LDB2: variants seen among roughly 807,000 people sequenced by gnomAD.
The protein encoded by LDB2 is LIM domain-binding protein 2.
A neutral mutation model predicts 44.3 loss-of-function variants in LDB2; 12 were observed. The observed-to-expected ratio is 0.27, with a 90% CI of 0.17 to 0.44. LDB2 has a LOEUF of 0.44. LDB2 is among the 20% of genes least tolerant of loss of function. The pLI is 1.00. For missense variants in LDB2, 344 were observed against 473.5 expected (o/e 0.73, Z 2.54); for synonymous variants, 164 against 174.8 (o/e 0.94, Z 0.49).
At chr4:16,654,956 G>A (rs542063547) in intron 2 of LDB2, among the ~76,000 whole-genome samples, 10 of 151,874 alleles carry the variant, frequency 6.6e-5, no homozygotes, top group Admixed American at 2.0e-4. Context: ...TAATGTCCAC[G>A]AAACCATTGA....
At chr4:16,638,455 G>A (rs1000602524) in intron 2 of LDB2, among the ~76,000 whole-genome samples, 2 of 152,144 alleles carry the variant, frequency 1.3e-5, no homozygotes, top group East Asian at 3.9e-4. Context: ...AACGCAGCCC[G>A]ATCCAGCTCA....
intron 2 of LDB2, among the ~76,000 whole-genome samples, chr4:16,742,266 T>C (rs1763446782): frequency 6.6e-6 from 1 of 152,064 alleles, no homozygotes; most frequent in South Asian, 2.1e-4. Context: ...GAGACGGGGC[T>C]TCACCATGTT....
intron 5 of LDB2, among the ~76,000 whole-genome samples, chr4:16,515,764 G>A (rs1723396994): frequency 1.3e-5 from 2 of 152,040 alleles, no homozygotes; most frequent in South Asian, 4.2e-4. Flanking sequence ...AGCTTATGCT[G>A]GAGATAAAAT....
chr4:16,611,851 G>A (rs1333599585), intron 2 of LDB2, among the ~76,000 whole-genome samples: 1 of 152,120 alleles, frequency 6.6e-6, no homozygotes, highest in African/African-American at 2.4e-5. Flanking sequence ...ACTCGGCTCT[G>A]TATCAAGCAG....
chr4:16,558,710 C>T (rs533124025), intron 5 of LDB2, among the ~76,000 whole-genome samples: 96 of 152,026 alleles, frequency 6.3e-4, no homozygotes, highest in South Asian at 5.6e-3. Flanking sequence ...ATACAGAGAA[C>T]GCCACAAAGA....
At chr4:16,643,227 C>T (rs1364886899) in intron 2 of LDB2, among the ~76,000 whole-genome samples, 2 of 152,078 alleles carry the variant, frequency 1.3e-5, no homozygotes, top group Admixed American at 1.3e-4. Flanking sequence ...CCAATGGAGG[C>T]TCCATATGTG....
At chr4:16,691,439 A>T (rs1383525074) in intron 2 of LDB2, among the ~76,000 whole-genome samples, 1 of 152,226 alleles carries the variant, frequency 6.6e-6, no homozygotes, top group Non-Finnish European at 1.5e-5. Flanking sequence ...GTAAATAAGG[A>T]CTATGCACTA....
intron 1 of LDB2, among the ~76,000 whole-genome samples, chr4:16,816,407 C>CTTT (rs1171864969): frequency 2.0e-4 from 24 of 121,014 alleles, no homozygotes; most frequent in African/African-American, 4.9e-4. Flanking sequence ...CTTTTTCTTT[C>CTTT]TTTTTTTTTT....
At chr4:16,577,572 GA>G (rs2152411635) in intron 5 of LDB2, among the ~76,000 whole-genome samples, 1 of 152,094 alleles carries the variant, frequency 6.6e-6, no homozygotes, top group South Asian at 2.1e-4. Flanking sequence ...AATTGAAGAG[GA>G]TATACAAAAA....
At chr4:16,818,325 C>A (rs542661497) in intron 1 of LDB2, among the ~76,000 whole-genome samples, 1 of 152,282 alleles carries the variant, frequency 6.6e-6, no homozygotes, top group South Asian at 2.1e-4. Context: ...TCACAGCCTG[C>A]AGCACATTCT....
At chr4:16,721,674 C>CT (rs1383199504) in intron 2 of LDB2, among the ~76,000 whole-genome samples, 2 of 152,104 alleles carry the variant, frequency 1.3e-5, no homozygotes, top group Non-Finnish European at 2.9e-5. Flanking sequence ...ATGAAAAGTA[C>CT]TTTGCTTCTT....
intron 2 of LDB2, among the ~76,000 whole-genome samples, chr4:16,709,296 T>C (rs1030441397): frequency 6.6e-6 from 1 of 152,220 alleles, no homozygotes; most frequent in African/African-American, 2.4e-5. Context: ...TATAGTATAA[T>C]ATGCAGAGAG....
intron 1 of LDB2, among the ~76,000 whole-genome samples, chr4:16,882,610 G>A (rs1195855217): frequency 6.6e-6 from 1 of 152,110 alleles, no homozygotes; most frequent in African/African-American, 2.4e-5. Context: ...AGTGAATTAA[G>A]GCTGAGATTT....
intron 2 of LDB2, among the ~76,000 whole-genome samples, chr4:16,733,913 CAG>C (rs1761298256): frequency 6.6e-6 from 1 of 152,158 alleles, no homozygotes; most frequent in African/African-American, 2.4e-5. Context: ...TTAGTGGTAA[CAG>C]ATATAATAAA....
intron 2 of LDB2, among the ~76,000 whole-genome samples, chr4:16,689,996 T>G (rs1277587075): frequency 6.6e-6 from 1 of 152,170 alleles, no homozygotes; most frequent in Non-Finnish European, 1.5e-5. Flanking sequence ...GAAGGAGGCT[T>G]CAGAAAGGGT....
At chr4:16,743,739 A>C (rs544284317) in intron 2 of LDB2, among the ~76,000 whole-genome samples, 1 of 152,152 alleles carries the variant, frequency 6.6e-6, no homozygotes, top group African/African-American at 2.4e-5. Context: ...GTACCACTGC[A>C]AAAAAACAAA....
At chr4:16,882,618 T>C (rs1211972707) in intron 1 of LDB2, among the ~76,000 whole-genome samples, 4 of 152,194 alleles carry the variant, frequency 2.6e-5, no homozygotes, top group Admixed American at 1.3e-4. Context: ...AAGGCTGAGA[T>C]TTCAGCTTCT....
intron 2 of LDB2, among the ~76,000 whole-genome samples, chr4:16,666,430 G>T (rs765267671): frequency 6.6e-6 from 1 of 152,182 alleles, no homozygotes; most frequent in Non-Finnish European, 1.5e-5. Context: ...GCCTCACAAC[G>T]GTAGTGACTC....
intron 2 of LDB2, among the ~76,000 whole-genome samples, chr4:16,662,301 C>T (rs1388315413): frequency 6.6e-6 from 1 of 152,088 alleles, no homozygotes; most frequent in Non-Finnish European, 1.5e-5. Context: ...ACAGAAGACA[C>T]TCAGTAATCA....
Sources: gnomAD v4.1 joint callset for allele counts (sites outside exome capture counted in the v4.1 genomes callset) on GRCh38, gnomAD v4.1.1 for gene constraint, MANE v1.5 for transcripts, NCBI Gene and HGNC (gene_info 2026-07-23, HGNC 2026-07-21) for gene names.